The following NSG2 variants were observed in gnomAD, a reference collection of about 807,000 sequenced individuals.
NSG2 encodes the protein neuronal vesicle trafficking associated 2.
NSG2 carries 4 observed loss-of-function variants against 16.9 expected under a neutral mutation model. That is an observed-to-expected ratio of 0.24 (90% confidence interval 0.12 to 0.54). The LOEUF is 0.54. Ranked by LOEUF, NSG2 falls within the 20% of genes least tolerant of loss-of-function variation. The pLI is 0.95. For missense variants in NSG2, 179 were observed against 221.1 expected (o/e 0.81, Z 1.21); for synonymous variants, 98 against 88.7 (o/e 1.11, Z -0.59).
chr5:174,107,443 C>A lies in NSG2; in HGVS notation c.454C>A (p.Pro152Thr), dbSNP rs1478604355. 6.2e-7 allele frequency: 1 copy of A among 1,612,380 alleles called. No homozygotes were observed. Among genetic ancestry groups the A allele is most frequent in the South Asian group, 1.1e-5 (1 of 90,982 alleles). ...AKQSTARAIG[P>T]WLSAAAVIHE... ...GCAGAGCACTGCCCGGGCCATCGGG[C>A]CGTGGCTGTCAGCAGCCGCTGTCAT... Residue 152 changes from proline to threonine, a missense_variant, in exon 5 of 5, where the codon CCG becomes ACG. Physicochemically the swap from Pro to Thr is conservative, Grantham distance 38. Coordinates refer to ENST00000303177, the MANE Select transcript of NSG2 (RefSeq NM_015980.5). This position sits in a 1 kb window ranked among gnomAD's most constrained non-coding sequence, Gnocchi z 4.5.
intron 3 of NSG2, among the ~76,000 whole-genome samples, chr5:174,099,807 G>A (rs904486638): frequency 3.9e-5 from 6 of 152,008 alleles, no homozygotes; most frequent in African/African-American, 1.2e-4. Flanking sequence ...CCCCCAGGAG[G>A]ACGTCCCTGA....
intron 2 of NSG2, among the ~76,000 whole-genome samples, chr5:174,051,204 A>G (rs1012229219): frequency 6.6e-6 from 1 of 152,220 alleles, no homozygotes; most frequent in African/African-American, 2.4e-5. Flanking sequence ...GAGGCCAGGA[A>G]TGGTGCTAAA....
intron 3 of NSG2, among the ~76,000 whole-genome samples, chr5:174,077,533 A>T: frequency 6.6e-6 from 1 of 152,166 alleles, no homozygotes; most frequent in East Asian, 1.9e-4. Flanking sequence ...TCCTCCGCTT[A>T]GCTGTTCTTT....
Position 174,107,588 on chromosome 5 carries a change from C to T in NSG2, c.*83C>T. ...GCCAAGCTCCAGTTACAAGACAACA[C>T]TGTACTCCTGGGATATGGGGGCGGG... is the stretch of plus-strand genomic sequence containing the variant. On this transcript the variant is annotated 3_prime_UTR_variant, in exon 5 of 5. Coordinates refer to ENST00000303177, the MANE Select transcript of NSG2 (RefSeq NM_015980.5). This position sits in a 1 kb window ranked among gnomAD's most constrained non-coding sequence, Gnocchi z 4.5. 2.4e-6 allele frequency: 2 copies of T among 839,664 alleles called. No homozygotes were observed. Among genetic ancestry groups the T allele is most frequent in the Non-Finnish European group, 1.8e-6 (1 of 567,454 alleles). The allele number at this position is 839,664 out of a possible 1,614,324, so 52.0% of individuals were successfully genotyped here. A position where few individuals can be genotyped will look rare whatever the true frequency, so the allele number is the denominator to read the frequency against.
intron 2 of NSG2, among the ~76,000 whole-genome samples, chr5:174,050,224 T>C (rs1759866863): frequency 6.6e-6 from 1 of 152,308 alleles, no homozygotes; most frequent in Middle Eastern, 3.4e-3. Context: ...TTGACCCCAA[T>C]GTCAGATCAT....
At chr5:174,097,581 CTGTGTG>C (rs75455233) in intron 3 of NSG2, among the ~76,000 whole-genome samples, 1 of 141,384 alleles carries the variant, frequency 7.1e-6, no homozygotes, top group African/African-American at 2.6e-5. Flanking sequence ...GTGTGTGTGT[CTGTGTG>C]TGTGTAACTG....
intron 3 of NSG2, among the ~76,000 whole-genome samples, chr5:174,095,600 A>G (rs79464400): frequency 0.013 from 1,925 of 152,222 alleles, 45 homozygotes; most frequent in African/African-American, 0.045. Flanking sequence ...TCATCTCAAG[A>G]TTCTTAACTA....
rs1760941829 is a variant in NSG2, at chr5:174,104,144, GC to G, written c.214-82del. ...CCCTTTCTAGCACACCATGCTGCCTGCCAGTTCTAGGCTCTGAAAGCTGCAT... is the reference window on the plus strand; with the variant it reads ...CCCTTTCTAGCACACCATGCTGCCTGCAGTTCTAGGCTCTGAAAGCTGCAT... On this transcript the variant is annotated intron_variant, in intron 3 of 4. Transcript: ENST00000303177. 1.1e-5 allele frequency: 10 copies of G among 935,486 alleles called. No homozygotes were observed. In the Admixed American group the frequency reaches 1.9e-4, roughly 17 times the overall value. 57.9% of individuals were successfully genotyped at this position (935,486 alleles called of 1,614,324 possible). A position where few individuals can be genotyped will look rare whatever the true frequency, so the allele number is the denominator to read the frequency against.
chr5:174,107,757 G>A lies in NSG2; in HGVS notation c.*252G>A. On this transcript the variant is annotated 3_prime_UTR_variant, in exon 5 of 5. Transcript: ENST00000303177. This position sits in a 1 kb window ranked among gnomAD's most constrained non-coding sequence, Gnocchi z 4.5. ...CATGTACAAAGGCATGTTTCGTGTT[G>A]ATTGTTCCCATGTAAGATATTTTTA... 3.0e-6 allele frequency: 2 copies of A among 670,314 alleles called. No homozygotes were observed. Among genetic ancestry groups the A allele is most frequent in the South Asian group, 3.0e-5 (2 of 66,430 alleles). 41.5% of individuals were successfully genotyped at this position (670,314 alleles called of 1,614,324 possible). A position where few individuals can be genotyped will look rare whatever the true frequency, so the allele number is the denominator to read the frequency against.
At chr5:174,057,578 G>A (rs1334727976) in intron 2 of NSG2, among the ~76,000 whole-genome samples, 1 of 152,210 alleles carries the variant, frequency 6.6e-6, no homozygotes, top group Non-Finnish European at 1.5e-5. Context: ...CCCATGCAGT[G>A]TACCTTCACT....
intron 3 of NSG2, among the ~76,000 whole-genome samples, chr5:174,068,451 G>T (rs1760179630): frequency 6.6e-6 from 1 of 152,180 alleles, no homozygotes; most frequent in African/African-American, 2.4e-5. Context: ...GAGAGCAAGG[G>T]GTTCTCTAAA....
intron 2 of NSG2, among the ~76,000 whole-genome samples, chr5:174,053,816 C>G (rs548259099): frequency 6.6e-6 from 1 of 152,174 alleles, no homozygotes; most frequent in Non-Finnish European, 1.5e-5. Context: ...GTTGACAATA[C>G]TGGGGCAAAC....
chr5:174,084,829 G>T (rs1441419355), intron 3 of NSG2, among the ~76,000 whole-genome samples: 2 of 152,222 alleles, frequency 1.3e-5, no homozygotes, highest in African/African-American at 4.8e-5. Flanking sequence ...ATTTCATTAG[G>T]TTCCAGGCTC....
Position 174,046,767 on chromosome 5 carries a change from GAACAGT to G in NSG2, c.16_21del (p.Ser6_Asn7del). 1 of 1,614,124 alleles carries G rather than the reference GAACAGT, an allele frequency of 6.2e-7. No individual in the cohort carries two copies. Among genetic ancestry groups the G allele is most frequent in the Non-Finnish European group, 8.5e-7 (1 of 1,180,024 alleles). ...AGAAAGGCGTAAGGATGGTGAAGCT[GAACAGT>G]AACCCCAGCGAGAAGGGAACCAAGC... On this transcript the variant is annotated inframe_deletion, in exon 2 of 5. Coordinates refer to ENST00000303177, the MANE Select transcript of NSG2 (RefSeq NM_015980.5).
chr5:174,063,988 A>G (rs1364838696), intron 2 of NSG2, among the ~76,000 whole-genome samples: 1 of 152,226 alleles, frequency 6.6e-6, no homozygotes, highest in Non-Finnish European at 1.5e-5. Flanking sequence ...ATATAACAAT[A>G]TGTACATATA....
At chr5:174,077,108 T>C (rs1205565780) in intron 3 of NSG2, among the ~76,000 whole-genome samples, 1 of 152,108 alleles carries the variant, frequency 6.6e-6, no homozygotes, top group Non-Finnish European at 1.5e-5. Flanking sequence ...CCACAGGAAG[T>C]GCGATACTGC....
intron 1 of NSG2, among the ~76,000 whole-genome samples, chr5:174,046,359 G>A (rs536722785): frequency 3.2e-4 from 48 of 151,910 alleles, no homozygotes; most frequent in African/African-American, 9.9e-4. Context: ...GCAGGCGGGG[G>A]GGGTGGTATA....
At chr5:174,088,146 G>A (rs1760663016) in intron 3 of NSG2, among the ~76,000 whole-genome samples, 2 of 152,192 alleles carry the variant, frequency 1.3e-5, no homozygotes, top group South Asian at 2.1e-4. Context: ...GTTTCAGACC[G>A]AAGCCAGACA....
intron 3 of NSG2, among the ~76,000 whole-genome samples, chr5:174,068,242 A>G (rs66742176): frequency 0.16 from 23,918 of 152,106 alleles, 2,460 homozygotes; most frequent in African/African-American, 0.29. Flanking sequence ...ATTATTCTGT[A>G]AGAGAGAAAA....
Sources: allele counts gnomAD v4.1 joint callset (sites outside exome capture counted in the v4.1 genomes callset), GRCh38; gene constraint gnomAD v4.1.1; non-coding constraint Gnocchi (gnomAD v3.1); transcripts MANE v1.5; gene names NCBI Gene and HGNC (gene_info 2026-07-23, HGNC 2026-07-21).